The following GPR158 variants were observed in gnomAD, a reference collection of about 807,000 sequenced individuals.
GPR158 encodes G protein-coupled receptor 158.
A neutral mutation model predicts 78.2 loss-of-function variants in GPR158; 30 were observed. That is an observed-to-expected ratio of 0.38 (90% CI 0.29 to 0.52). GPR158 has a LOEUF of 0.52. GPR158 is among the 20% of genes least tolerant of loss of function. The pLI is 0.83. For synonymous variants in GPR158, 581 were observed against 591.1 expected (o/e 0.98, Z 0.25); for missense variants, 1,463 against 1,523.5 (o/e 0.96, Z 0.66).
chr10:25,194,150 C>T (rs895331688), intron 1 of GPR158, among the ~76,000 whole-genome samples: 1 of 152,164 alleles, frequency 6.6e-6, no homozygotes, highest in Non-Finnish European at 1.5e-5. Context: ...TTGACACACA[C>T]GTTGCTGCTT....
At chr10:25,292,979 T>C (rs1854461621) in intron 2 of GPR158, among the ~76,000 whole-genome samples, 1 of 152,176 alleles carries the variant, frequency 6.6e-6, no homozygotes, top group Non-Finnish European at 1.5e-5. Context: ...ATGTGATTTT[T>C]CCCACCATGA....
chr10:25,389,394 G>A (rs1834263913), intron 2 of GPR158, among the ~76,000 whole-genome samples: 1 of 152,140 alleles, frequency 6.6e-6, no homozygotes. Context: ...TCTCTGCTGA[G>A]AGCTCGACAG....
intron 1 of GPR158, among the ~76,000 whole-genome samples, chr10:25,203,843 C>G (rs1352550104): frequency 2.8e-5 from 4 of 144,310 alleles, no homozygotes; most frequent in African/African-American, 5.3e-5. Context: ...TATAAATTAC[C>G]TTGGGCAGTT....
chr10:25,540,884 A>T (rs1024484074), intron 5 of GPR158, among the ~76,000 whole-genome samples: 1 of 151,348 alleles, frequency 6.6e-6, no homozygotes, highest in African/African-American at 2.4e-5. Flanking sequence ...TGGCACATGT[A>T]TACATATGTA....
chr10:25,185,694 G>A (rs539080837), intron 1 of GPR158, among the ~76,000 whole-genome samples: 1 of 152,168 alleles, frequency 6.6e-6, no homozygotes, highest in African/African-American at 2.4e-5. Flanking sequence ...GTGGTGGCAG[G>A]CGCCTGTAGT....
intron 2 of GPR158, among the ~76,000 whole-genome samples, chr10:25,254,982 C>T (rs1853872247): frequency 2.0e-5 from 3 of 152,130 alleles, no homozygotes; most frequent in Non-Finnish European, 4.4e-5. Flanking sequence ...TCTATTACTT[C>T]CTGGAAATTC....
At chr10:25,386,448 A>AT (rs1016429809) in intron 2 of GPR158, among the ~76,000 whole-genome samples, 1 of 152,044 alleles carries the variant, frequency 6.6e-6, no homozygotes, top group African/African-American at 2.4e-5. Context: ...AGTTTAGGAC[A>AT]TTTTTTCGAT....
intron 1 of GPR158, among the ~76,000 whole-genome samples, chr10:25,195,896 T>G (rs1289453184): frequency 6.6e-6 from 1 of 152,206 alleles, no homozygotes; most frequent in Non-Finnish European, 1.5e-5. Flanking sequence ...TTATATTGTT[T>G]TTAGCATTCA....
At chr10:25,339,730 T>C (rs182810672) in intron 2 of GPR158, among the ~76,000 whole-genome samples, 29 of 152,270 alleles carry the variant, frequency 1.9e-4, no homozygotes, top group East Asian at 1.2e-3. Context: ...TTTTATCAAA[T>C]GCGTTTTCTA....
In GPR158 at chr10:25,223,026, A is replaced by T. The variant is rs183345843; in HGVS notation, c.1008+1869A>T. 1.2e-4 allele frequency among the ~76,000 whole-genome samples: 18 copies of T among 152,244 alleles called. No homozygotes were observed. The East Asian group carries it at 3.3e-3, about 28-fold the overall frequency. ...TTATTTTCATTGCATCAGGATGATT[A>T]ATTTTCTGGGTTTTGTGTCTTTTTA... On this transcript the variant is annotated intron_variant, in intron 2 of 10. Coordinates refer to ENST00000376351, the MANE Select transcript of GPR158 (RefSeq NM_020752.3).
intron 2 of GPR158, among the ~76,000 whole-genome samples, chr10:25,252,386 C>T (rs1190290901): frequency 3.1e-4 from 47 of 152,292 alleles, no homozygotes; most frequent in African/African-American, 1.1e-3. Context: ...GGAGGAGAGG[C>T]ACTCTGATTT....
intron 4 of GPR158, among the ~76,000 whole-genome samples, chr10:25,427,330 T>C (rs1834838374): frequency 6.6e-6 from 1 of 152,072 alleles, no homozygotes; most frequent in Non-Finnish European, 1.5e-5. Flanking sequence ...CACCCTCTTT[T>C]ACTCCTACCT....
Position 25,208,677 on chromosome 10 carries a change from T to C in GPR158, c.903-12375T>C, listed in dbSNP as rs535247919. On this transcript the variant is annotated intron_variant, in intron 1 of 10. Coordinates refer to ENST00000376351, the MANE Select transcript of GPR158 (RefSeq NM_020752.3). ...TCACATTGTGCTGGCAGCAAGAACA[T>C]CTCGACATTTCCCGACCACATGGTG... is the stretch of plus-strand genomic sequence containing the variant. Among the ~76,000 whole-genome samples the C allele has an allele frequency of 2.6e-5, 4 of 151,724 alleles. No homozygotes were observed. In the East Asian group the frequency reaches 7.8e-4, roughly 29 times the overall value.
chr10:25,345,970 C>T (rs1218975473), intron 2 of GPR158, among the ~76,000 whole-genome samples: 1 of 151,986 alleles, frequency 6.6e-6, no homozygotes, highest in East Asian at 1.9e-4. Flanking sequence ...GCAGTATGTC[C>T]TGCTTCTTGA....
rs1029247587 is a variant in GPR158, at chr10:25,176,956, C to T, written c.902+634C>T. Among the ~76,000 whole-genome samples the T allele has an allele frequency of 2.6e-5, 4 of 152,136 alleles. No homozygotes were observed. The highest frequency in any genetic ancestry group is 9.7e-5 in the African/African-American group (4 of 41,424). On this transcript the variant is annotated intron_variant, in intron 1 of 10. Transcript: ENST00000376351. This position sits in a 1 kb window ranked among gnomAD's most constrained non-coding sequence, Gnocchi z 6.3. The stretch of plus-strand genomic sequence containing the variant: ...GACTTTGCAGCTTGGTCAGGGTGCT[C>T]CTTCTACCGGTCTCCCCTCTCCCCG...
At chr10:25,575,859 A>C (rs1383483580) in intron 7 of GPR158, among the ~76,000 whole-genome samples, 2 of 152,014 alleles carry the variant, frequency 1.3e-5, no homozygotes, top group African/African-American at 2.4e-5. Context: ...ATATCTATAA[A>C]TCTTCCCATA....
intron 4 of GPR158, among the ~76,000 whole-genome samples, chr10:25,431,299 C>T (rs920503675): frequency 9.1e-5 from 13 of 143,328 alleles, no homozygotes; most frequent in East Asian, 2.0e-4. Flanking sequence ...CAAATCAAAA[C>T]CACAATGAGA....
At chr10:25,330,478 C>A (rs1039632855) in intron 2 of GPR158, among the ~76,000 whole-genome samples, 9 of 152,060 alleles carry the variant, frequency 5.9e-5, no homozygotes, top group African/African-American at 2.2e-4. Flanking sequence ...ATAATAGACA[C>A]CAAAATCAAA....
chr10:25,335,610 C>T (rs1431345627), intron 2 of GPR158, among the ~76,000 whole-genome samples: 1 of 152,050 alleles, frequency 6.6e-6, no homozygotes, highest in Non-Finnish European at 1.5e-5. Flanking sequence ...ATTCCTTCCT[C>T]TCCCTACCCA....
Sources: gnomAD v4.1 joint callset for allele counts (sites outside exome capture counted in the v4.1 genomes callset) on GRCh38, gnomAD v4.1.1 for gene constraint, Gnocchi (gnomAD v3.1) non-coding constraint, MANE v1.5 for transcripts, NCBI Gene and HGNC (gene_info 2026-07-23, HGNC 2026-07-21) for gene names.